SPCS2: variants seen among roughly 807,000 people sequenced by gnomAD.
The protein encoded by SPCS2 is signal peptidase complex subunit 2.
Under a neutral mutation model 22.3 loss-of-function variants are expected in SPCS2, and 3 were observed. The ratio of observed to expected loss-of-function variants is 0.13; its 90% confidence interval spans 0.06 to 0.35. The LOEUF (loss-of-function observed/expected upper bound fraction) is 0.35, where lower values mean the gene tolerates loss of function less well. Ranked by LOEUF, SPCS2 falls within the 10% of genes least tolerant of loss-of-function variation. SPCS2 has a pLI of 1.00. For synonymous variants in SPCS2, 67 were observed against 97.2 expected (o/e 0.69, Z 1.83); for missense variants, 169 against 280.9 (o/e 0.60, Z 2.85).
Position 74,978,248 on chromosome 11 carries a change from ACTATATT to A in SPCS2, c.*1207_*1213del, listed in dbSNP as rs1948627300. 6.6e-6 allele frequency: 1 copy of A among 152,200 alleles called. No individual in the cohort carries two copies. The highest frequency in any genetic ancestry group is 2.4e-5 in the African/African-American group (1 of 41,446). 9.4% of individuals were successfully genotyped at this position (152,200 alleles called of 1,614,324 possible). A position where few individuals can be genotyped will look rare whatever the true frequency, so the allele number is the denominator to read the frequency against. Reference sequence around the variant, plus strand: ...ATTTTGGCTGAGCCTAGTACCCAACACTATATTCAGTTTGTAAGAAATTACCATTATC... The same window carrying A: ...ATTTTGGCTGAGCCTAGTACCCAACACAGTTTGTAAGAAATTACCATTATC... On this transcript the variant is annotated 3_prime_UTR_variant, in exon 5 of 5. Transcript: ENST00000263672.
rs1186651753 is a variant in SPCS2, at chr11:74,977,944, A to G, written c.*901A>G. The G allele has an allele frequency of 6.6e-6, 1 of 152,228 alleles. No individual in the cohort carries two copies. The highest frequency in any genetic ancestry group is 1.5e-5 in the Non-Finnish European group (1 of 68,044). The allele number at this position is 152,228 out of a possible 1,614,324, so 9.4% of individuals were successfully genotyped here. A position where few individuals can be genotyped will look rare whatever the true frequency, so the allele number is the denominator to read the frequency against. On this transcript the variant is annotated 3_prime_UTR_variant, in exon 5 of 5. Transcript: ENST00000263672. ...GCCAGAAATGCTCCAAGTACTTTAC[A>G]TGTGTTAATAATGCTCACAGCAATC... is the stretch of plus-strand genomic sequence containing the variant.
At chr11:74,971,962 CT>C (rs1206013277) in intron 4 of SPCS2, among the ~76,000 whole-genome samples, 5 of 152,188 alleles carry the variant, frequency 3.3e-5, no homozygotes, top group Admixed American at 2.0e-4. Context: ...TTCTCTCTGG[CT>C]TAGCTATCTT....
At chr11:74,968,478 C>T (rs1337312641) in intron 3 of SPCS2, among the ~76,000 whole-genome samples, 3 of 151,152 alleles carry the variant, frequency 2.0e-5, no homozygotes, top group East Asian at 3.9e-4. Context: ...TGCACCACTA[C>T]ATCCAGCTAA....
Position 74,959,477 on chromosome 11 carries a change from A to G in SPCS2, c.115-5557A>G, listed in dbSNP as rs183779234. 2.5e-3 allele frequency among the ~76,000 whole-genome samples: 376 copies of G among 152,252 alleles called. 3 individuals are homozygous for G. The highest frequency in any genetic ancestry group is 8.6e-3 in the African/African-American group (359 of 41,548). ...GCACAATCACGGCTCACTGCAGCCTATACCTCCTGAGCTCAAGCCATCTTC... is the reference window on the plus strand; with the variant it reads ...GCACAATCACGGCTCACTGCAGCCTGTACCTCCTGAGCTCAAGCCATCTTC... On this transcript the variant is annotated intron_variant, in intron 1 of 4. Coordinates refer to ENST00000263672, the MANE Select transcript of SPCS2 (RefSeq NM_014752.3).
At chr11:74,962,241 T>C (rs1948518888) in intron 1 of SPCS2, among the ~76,000 whole-genome samples, 2 of 152,160 alleles carry the variant, frequency 1.3e-5, no homozygotes, top group African/African-American at 4.8e-5. Flanking sequence ...TCAACATAAA[T>C]CACATCATTT....
intron 1 of SPCS2, among the ~76,000 whole-genome samples, chr11:74,961,585 A>G (rs1948514739): frequency 7.0e-6 from 1 of 142,448 alleles, no homozygotes; most frequent in African/African-American, 2.4e-5. Context: ...CTGTTCACCC[A>G]GGCTAGAGTG....
intron 4 of SPCS2, among the ~76,000 whole-genome samples, chr11:74,974,349 C>A (rs1272272190): frequency 6.6e-6 from 1 of 152,142 alleles, no homozygotes; most frequent in Non-Finnish European, 1.5e-5. Flanking sequence ...GATGTTGGAT[C>A]CTAATAGGCA....
At chr11:74,950,412 A>C (rs947602648) in intron 1 of SPCS2, among the ~76,000 whole-genome samples, 3 of 152,224 alleles carry the variant, frequency 2.0e-5, no homozygotes, top group Non-Finnish European at 2.9e-5. Context: ...TTTGAATATA[A>C]TTGAAAACAG....
chr11:74,951,388 T>G (rs944622981), intron 1 of SPCS2, among the ~76,000 whole-genome samples: 2 of 152,280 alleles, frequency 1.3e-5, no homozygotes, highest in Admixed American at 1.3e-4. Flanking sequence ...GCACTCAGAA[T>G]AGCCAAATAT....
chr11:74,972,962 G>A (rs1320194328), intron 4 of SPCS2, among the ~76,000 whole-genome samples: 3 of 150,310 alleles, frequency 2.0e-5, no homozygotes, highest in Admixed American at 6.6e-5. Context: ...GTAAACTACC[G>A]CAAGAACAAA....
chr11:74,955,461 A>C (rs1031635238), intron 1 of SPCS2, among the ~76,000 whole-genome samples: 9 of 152,190 alleles, frequency 5.9e-5, no homozygotes, highest in Non-Finnish European at 1.2e-4. Context: ...GAAACCGATC[A>C]CAAAAGGCCA....
chr11:74,962,368 C>G (rs1460816005), intron 1 of SPCS2, among the ~76,000 whole-genome samples: 1 of 152,094 alleles, frequency 6.6e-6, no homozygotes, highest in Admixed American at 6.5e-5. Flanking sequence ...GCCAACCTTG[C>G]AAACAAGCCT....
At chr11:74,970,465 A>G (rs1260124839) in intron 4 of SPCS2, among the ~76,000 whole-genome samples, 2 of 152,256 alleles carry the variant, frequency 1.3e-5, no homozygotes, top group Non-Finnish European at 2.9e-5. Flanking sequence ...CAAAAGTGGT[A>G]GAGCAGGAAT....
chr11:74,960,589 T>C (rs1948508116), intron 1 of SPCS2, among the ~76,000 whole-genome samples: 1 of 126,576 alleles, frequency 7.9e-6, no homozygotes, highest in South Asian at 2.6e-4. Context: ...TTCAGGGATC[T>C]CTTTGTTTCC....
intron 1 of SPCS2, among the ~76,000 whole-genome samples, chr11:74,960,359 G>A: frequency 6.6e-6 from 1 of 152,098 alleles, no homozygotes. Context: ...TCTCTTCAGT[G>A]GGTGGTGTAG....
At chr11:74,975,574 A>C (rs1948610044) in intron 4 of SPCS2, among the ~76,000 whole-genome samples, 1 of 152,204 alleles carries the variant, frequency 6.6e-6, no homozygotes, top group African/African-American at 2.4e-5. Context: ...ACTGCCAATA[A>C]AACTGGGCAC....
At chr11:74,949,723 G>GCCC in intron 1 of SPCS2, 1 of 456,870 alleles carries the variant, frequency 2.2e-6, no homozygotes, top group Non-Finnish European at 4.4e-6. Flanking sequence ...TGTTGTCAGT[G>GCCC]CCCATTTCAC....
intron 4 of SPCS2, among the ~76,000 whole-genome samples, chr11:74,971,552 C>T (rs936243743): frequency 1.3e-5 from 2 of 152,140 alleles, no homozygotes; most frequent in African/African-American, 4.8e-5. Flanking sequence ...AATGTTCTTG[C>T]TCTCTTCCCG....
chr11:74,968,887 T>G (rs1948562812), intron 3 of SPCS2, among the ~76,000 whole-genome samples: 1 of 152,122 alleles, frequency 6.6e-6, no homozygotes. Context: ...CAGGCTGGTT[T>G]CAAACTCCAG....
Sources: allele counts gnomAD v4.1 joint callset (sites outside exome capture counted in the v4.1 genomes callset), GRCh38; gene constraint gnomAD v4.1.1; transcripts MANE v1.5; gene names NCBI Gene and HGNC (gene_info 2026-07-23, HGNC 2026-07-21).